FRMD8: variants seen among roughly 807,000 people sequenced by gnomAD.
FRMD8 encodes the protein FERM domain containing 8.
A neutral mutation model predicts 54.2 loss-of-function variants in FRMD8; 37 were observed. That is an observed-to-expected ratio of 0.68 (90% confidence interval 0.53 to 0.90). The LOEUF is 0.90. Among genes scored for constraint, FRMD8 ranks in the 40% least tolerant of loss-of-function variants. The probability of loss-of-function intolerance (pLI) is 0.00; values close to 1 mark genes in which losing one functional copy is unlikely to be tolerated. For missense variants in FRMD8, 585 were observed against 653.7 expected (o/e 0.89, Z 1.15); for synonymous variants, 246 against 286.9 (o/e 0.86, Z 1.44).
chr11:65,382,329 G>T (rs1283783596), upstream of FRMD8: 1 of 286,512 alleles, frequency 3.5e-6, no homozygotes, highest in East Asian at 7.0e-5. The surrounding 1 kb of genome is among the most constrained non-coding windows in gnomAD (Gnocchi z 4.4). Context: ...AGCCAGCCCA[G>T]CTCCACTCCC....
At chr11:65,396,471 G>A (rs1855956806) in intron 6 of FRMD8, among the ~76,000 whole-genome samples, 1 of 152,114 alleles carries the variant, frequency 6.6e-6, no homozygotes, top group Non-Finnish European at 1.5e-5. Context: ...TTAGGGCCGG[G>A]GGAGCTCACC....
intron 2 of FRMD8, among the ~76,000 whole-genome samples, chr11:65,389,154 AATAG>A (rs1248694002): frequency 5.3e-5 from 8 of 152,174 alleles, no homozygotes; most frequent in African/African-American, 1.9e-4. Flanking sequence ...AGGAAGCACT[AATAG>A]ATAGCATTCG....
At chr11:65,397,057 G>T (rs570677770) in intron 7 of FRMD8, 37 bp downstream of exon 7, 14 of 1,207,662 alleles carry the variant, frequency 1.2e-5, no homozygotes, top group Non-Finnish European at 1.3e-5. Context: ...CACCCCCTCC[G>T]CAGGCTGTTC....
chr11:65,406,188 C>T (rs567897213), intron 10 of FRMD8, among the ~76,000 whole-genome samples: 2 of 146,966 alleles, frequency 1.4e-5, no homozygotes, highest in East Asian at 2.0e-4. Flanking sequence ...CCACCACACC[C>T]GGCTAATTTT....
chr11:65,375,967 C>T, the FRMD8 span: 5 of 170,020 alleles, frequency 2.9e-5, no homozygotes, highest in Non-Finnish European at 6.3e-5. Flanking sequence ...GAGGCTGAGG[C>T]AGGAGAGTTG....
At chr11:65,408,382 A>C (rs923758751) in intron 10 of FRMD8, among the ~76,000 whole-genome samples, 23 of 151,928 alleles carry the variant, frequency 1.5e-4, no homozygotes, top group African/African-American at 5.5e-4. Flanking sequence ...CCCTAGAATA[A>C]GTTTTATAAT....
chr11:65,379,415 C>A, the FRMD8 span: 1 of 1,612,728 alleles, frequency 6.2e-7, no homozygotes, highest in African/African-American at 1.3e-5. Context: ...GGAAGATGTG[C>A]ATGTAGCTGG....
upstream of FRMD8, among the ~76,000 whole-genome samples, chr11:65,385,819 C>T (rs936288460): frequency 7.9e-5 from 12 of 151,034 alleles, no homozygotes; most frequent in Middle Eastern, 3.4e-3. Context: ...TTTTTTCAGA[C>T]GGAGTCTCGC....
intron 7 of FRMD8, among the ~76,000 whole-genome samples, chr11:65,397,932 A>G (rs1448805581): frequency 2.7e-5 from 4 of 147,630 alleles, no homozygotes; most frequent in Non-Finnish European, 5.9e-5. Flanking sequence ...CTGGAGTGCA[A>G]TGCCATGATC....
chr11:65,405,085 T>C lies in FRMD8; in HGVS notation c.1276+17T>C, dbSNP rs1267750482. Reference sequence around the variant, plus strand: ...TGGAGGACGGTGAGCAGCCCTTCTGTGCATGTGCACACACAAACACGCATG... The same window carrying C: ...TGGAGGACGGTGAGCAGCCCTTCTGCGCATGTGCACACACAAACACGCATG... On this transcript the variant is annotated intron_variant, in intron 10 of 10. Coordinates refer to ENST00000317568, the MANE Select transcript of FRMD8 (RefSeq NM_031904.5). 3.1e-6 allele frequency: 5 copies of C among 1,611,790 alleles called. No individual in the cohort carries two copies. The African/African-American group carries it at 6.7e-5, about 22-fold the overall frequency.
chr11:65,378,563 G>T, the FRMD8 span: 1 of 152,254 alleles, frequency 6.6e-6, no homozygotes, highest in African/African-American at 2.4e-5. Flanking sequence ...CACAAGAAGG[G>T]GCAGAAGAAA....
upstream of FRMD8, among the ~76,000 whole-genome samples, chr11:65,384,493 C>A (rs913701263): frequency 2.0e-5 from 3 of 152,036 alleles, no homozygotes; most frequent in African/African-American, 7.2e-5. Context: ...TGATACTCAC[C>A]TCTTAGTGAG....
At chr11:65,376,276 G>T in the FRMD8 span, 2 of 1,173,318 alleles carry the variant, frequency 1.7e-6, no homozygotes, top group Non-Finnish European at 2.4e-6. Flanking sequence ...GATCTGCGCG[G>T]GTGGGAGGCA....
intron 6 of FRMD8, 148 bp from the exon 7 acceptor site, chr11:65,396,651 G>T: frequency 2.0e-6 from 1 of 509,358 alleles, no homozygotes. Context: ...CTGGTGCCTG[G>T]GTCTCCCCTT....
At chr11:65,390,609 G>A (rs1020790691) in intron 3 of FRMD8, among the ~76,000 whole-genome samples, 15 of 151,654 alleles carry the variant, frequency 9.9e-5, no homozygotes, top group Non-Finnish European at 1.9e-4. Context: ...GCTGGGAGGT[G>A]CCCGCCCACC....
Position 65,400,201 on chromosome 11 carries a change from G to A in FRMD8, c.927+342G>A, listed in dbSNP as rs928263670. Among the ~76,000 whole-genome samples the A allele has an allele frequency of 2.0e-5, 3 of 152,220 alleles. No individual in the cohort carries two copies. The highest frequency in any genetic ancestry group is 2.9e-5 in the Non-Finnish European group (2 of 68,040). ...CGACGGGAGCCCTCTTGGGCTGACCGTGTCCTCTTCTTTCTGCGTTTGGTG... is the reference window on the plus strand; with the variant it reads ...CGACGGGAGCCCTCTTGGGCTGACCATGTCCTCTTCTTTCTGCGTTTGGTG... On this transcript the variant is annotated intron_variant, in intron 8 of 10. Coordinates refer to ENST00000317568, the MANE Select transcript of FRMD8 (RefSeq NM_031904.5). The surrounding 1 kb of genome is among the most constrained non-coding windows in gnomAD (Gnocchi z 4.3).
chr11:65,385,153 C>T, upstream of FRMD8, among the ~76,000 whole-genome samples: 1 of 152,196 alleles, frequency 6.6e-6, no homozygotes, highest in South Asian at 2.1e-4. Context: ...ACACTGAACT[C>T]TTCTGCTCCT....
intron 3 of FRMD8, among the ~76,000 whole-genome samples, chr11:65,389,768 C>T (rs739390): frequency 0.13 from 19,608 of 152,094 alleles, 1,654 homozygotes; most frequent in Admixed American, 0.25. Flanking sequence ...GACACGCCTG[C>T]CCCCCAGGTC....
At position 65,400,537 on chromosome 11, in the gene FRMD8, T is replaced by A. The variant is rs1451425607; in HGVS notation, c.928-187T>A. On this transcript the variant is annotated intron_variant, in intron 8 of 10. Coordinates refer to ENST00000317568, the MANE Select transcript of FRMD8 (RefSeq NM_031904.5). This position sits in a 1 kb window ranked among gnomAD's most constrained non-coding sequence, Gnocchi z 4.3. ...CTGTTGTGGGAGAGGGGATCTCAGCTTCCCTGGACCACAGCCCCTGGCAGG... is the reference window on the plus strand; with the variant it reads ...CTGTTGTGGGAGAGGGGATCTCAGCATCCCTGGACCACAGCCCCTGGCAGG... Among the ~76,000 whole-genome samples, 1 of 152,176 alleles carries A rather than the reference T, an allele frequency of 6.6e-6. No homozygotes were observed. Among genetic ancestry groups the A allele is most frequent in the Non-Finnish European group, 1.5e-5 (1 of 68,022 alleles).
Sources: gnomAD v4.1 joint callset for allele counts (sites outside exome capture counted in the v4.1 genomes callset) on GRCh38, gnomAD v4.1.1 for gene constraint, Gnocchi (gnomAD v3.1) non-coding constraint, MANE v1.5 for transcripts, NCBI Gene and HGNC (gene_info 2026-07-23, HGNC 2026-07-21) for gene names.